Variants in TUSC3 observed in about 807,000 individuals in gnomAD.
TUSC3 encodes the protein dolichyl-diphosphooligosaccharide--protein glycosyltransferase subunit TUSC3.
A neutral mutation model predicts 44.8 loss-of-function variants in TUSC3; 45 were observed. The ratio of observed to expected loss-of-function variants is 1.00; its 90% confidence interval spans 0.79 to 1.29. TUSC3 has a LOEUF of 1.29. Ranked by LOEUF, TUSC3 falls within the 50% of genes most tolerant of loss-of-function variation. The probability of loss-of-function intolerance (pLI) is 0.00; values close to 1 mark genes in which losing one functional copy is unlikely to be tolerated. For missense variants in TUSC3, 519 were observed against 437.9 expected, an observed-to-expected ratio of 1.19 and a Z score of -1.65; for synonymous variants, 212 against 152.9, an observed-to-expected ratio of 1.39 and a Z score of -2.85.
chr8:15,635,194 G>C (rs1248680143), intron 2 of TUSC3, among the ~76,000 whole-genome samples: 2 of 152,130 alleles, frequency 1.3e-5, no homozygotes, highest in Admixed American at 6.5e-5. Context: ...TTTCAAAATA[G>C]ATCTGAATAA....
chr8:15,718,327 C>T (rs557252902), intron 6 of TUSC3, among the ~76,000 whole-genome samples: 16 of 152,018 alleles, frequency 1.1e-4, no homozygotes, highest in African/African-American at 3.4e-4. Context: ...GTAGAGGTGC[C>T]GAAGTTGAAG....
At chr8:15,570,238 A>G (rs2129142927) in intron 1 of TUSC3, among the ~76,000 whole-genome samples, 1 of 150,816 alleles carries the variant, frequency 6.6e-6, no homozygotes, top group East Asian at 2.0e-4. Context: ...TTCCAGTGTT[A>G]AAGCAACCTT....
intron 1 of TUSC3, among the ~76,000 whole-genome samples, chr8:15,474,630 A>G (rs1273548231): frequency 6.6e-6 from 1 of 152,224 alleles, no homozygotes; most frequent in African/African-American, 2.4e-5. Flanking sequence ...AGTAAAGACA[A>G]TGCATCATTT....
intron 3 of TUSC3, among the ~76,000 whole-genome samples, chr8:15,657,190 C>T (rs1177863270): frequency 6.6e-6 from 1 of 152,188 alleles, no homozygotes; most frequent in Non-Finnish European, 1.5e-5. Context: ...ATATTCTCTC[C>T]TGAACATGTT....
intron 5 of TUSC3, among the ~76,000 whole-genome samples, chr8:15,669,837 A>G (rs1440786255): frequency 6.6e-6 from 1 of 151,702 alleles, no homozygotes; most frequent in East Asian, 1.9e-4. Flanking sequence ...ATTAAGACCA[A>G]AACAAAAAAC....
chr8:15,545,983 A>G (rs916771730), intron 1 of TUSC3, among the ~76,000 whole-genome samples: 2 of 151,830 alleles, frequency 1.3e-5, no homozygotes, highest in South Asian at 2.1e-4. Flanking sequence ...CTCCTGGAGT[A>G]TCATGCTAAT....
intron 1 of TUSC3, among the ~76,000 whole-genome samples, chr8:15,590,915 C>A (rs76931220): frequency 6.6e-6 from 1 of 152,136 alleles, no homozygotes; most frequent in Admixed American, 6.6e-5. Flanking sequence ...CTCAAGCAGT[C>A]TGTGTGCCTT....
intron 1 of TUSC3, among the ~76,000 whole-genome samples, chr8:15,584,274 A>C (rs779241191): frequency 5.9e-5 from 9 of 152,218 alleles, no homozygotes; most frequent in Non-Finnish European, 7.3e-5. Flanking sequence ...ACTTAAAGGC[A>C]GGGTGATCCA....
chr8:15,814,930 A>G, the TUSC3 span, among the ~76,000 whole-genome samples: 1 of 152,298 alleles, frequency 6.6e-6, no homozygotes, highest in Non-Finnish European at 1.5e-5. Flanking sequence ...AGTACGGGAG[A>G]AATATAAAAC....
chr8:15,697,480 C>T (rs939739697), intron 6 of TUSC3, among the ~76,000 whole-genome samples: 3 of 152,132 alleles, frequency 2.0e-5, no homozygotes, highest in African/African-American at 7.2e-5. Context: ...TAGGTTTTGG[C>T]TGTCTTTGTG....
chr8:15,748,151 A>G (rs1416346866), intron 8 of TUSC3, among the ~76,000 whole-genome samples: 4 of 148,386 alleles, frequency 2.7e-5, no homozygotes, highest in Non-Finnish European at 5.9e-5. Flanking sequence ...CACAAATAGT[A>G]CATTTTCATT....
intron 2 of TUSC3, among the ~76,000 whole-genome samples, chr8:15,489,620 G>C (rs888954688): frequency 2.0e-5 from 3 of 152,162 alleles, no homozygotes. Flanking sequence ...CTGCTGTCAT[G>C]TGATGCTATA....
At position 15,650,944 on chromosome 8, in the gene TUSC3, T is replaced by G. The variant is rs1340466609; in HGVS notation, c.426+130T>G. On this transcript the variant is annotated intron_variant, in intron 3 of 10. Coordinates refer to ENST00000503731, the MANE Select transcript of TUSC3 (RefSeq NM_006765.4). ...GGCGGAGGTTGCAGTGAGCCGAGAT[T>G]GTGCCACTGCATTCCAGGTGGAGGA... The G allele has an allele frequency of 3.6e-6, 3 of 834,210 alleles. No homozygotes were observed. In the East Asian group the frequency reaches 7.8e-5, roughly 22 times the overall value. The allele number at this position is 834,210 out of a possible 1,614,324, so 51.7% of individuals were successfully genotyped here.
intron 2 of TUSC3, among the ~76,000 whole-genome samples, chr8:15,528,050 C>A (rs1421365757): frequency 1.3e-5 from 2 of 152,080 alleles, no homozygotes; most frequent in African/African-American, 4.8e-5. Flanking sequence ...AGAATTTAGT[C>A]CCTGAAATAG....
At chr8:15,642,525 A>C (rs968579356) in intron 2 of TUSC3, among the ~76,000 whole-genome samples, 2 of 152,164 alleles carry the variant, frequency 1.3e-5, no homozygotes, top group African/African-American at 4.8e-5. Flanking sequence ...CAGTTTCTGT[A>C]ATCTTGTGTC....
intron 1 of TUSC3, among the ~76,000 whole-genome samples, chr8:15,586,580 C>T (rs985435834): frequency 2.0e-5 from 3 of 152,110 alleles, no homozygotes; most frequent in African/African-American, 7.2e-5. Context: ...CTATCTAGAT[C>T]AGGAGCGCTA....
chr8:15,561,179 T>A (rs1441657103), intron 1 of TUSC3, among the ~76,000 whole-genome samples: 1 of 117,514 alleles, frequency 8.5e-6, no homozygotes, highest in Non-Finnish European at 1.8e-5. Flanking sequence ...CAGATGGGTT[T>A]TTGGTGTGGA....
At chr8:15,603,582 A>T (rs1455229253) in intron 1 of TUSC3, among the ~76,000 whole-genome samples, 1 of 151,696 alleles carries the variant, frequency 6.6e-6, no homozygotes, top group Admixed American at 6.6e-5. Flanking sequence ...TTGAAATATC[A>T]TTATTACAAT....
chr8:15,472,872 A>G (rs1800512801), intron 1 of TUSC3, among the ~76,000 whole-genome samples: 1 of 152,204 alleles, frequency 6.6e-6, no homozygotes, highest in South Asian at 2.1e-4. Flanking sequence ...GGTGGAATAT[A>G]CTGACTGATC....
Sources: gnomAD v4.1 joint callset for allele counts (sites outside exome capture counted in the v4.1 genomes callset) on GRCh38, gnomAD v4.1.1 for gene constraint, MANE v1.5 for transcripts, NCBI Gene and HGNC (gene_info 2026-07-23, HGNC 2026-07-21) for gene names.